Variants in PKD2 observed in about 807,000 individuals in gnomAD.
The protein encoded by PKD2 is polycystin-2.
A neutral mutation model predicts 105.9 loss-of-function variants in PKD2; 48 were observed. That is an observed-to-expected ratio of 0.45 (90% confidence interval 0.36 to 0.58). PKD2 has a LOEUF of 0.58. Ranked by LOEUF, PKD2 falls within the 20% of genes least tolerant of loss-of-function variation. The pLI, the probability that PKD2 is intolerant of heterozygous loss-of-function variation, is 0.00. For synonymous variants in PKD2, 464 were observed against 481.1 expected (o/e 0.96, Z 0.46); for missense variants, 1,078 against 1,255.3 (o/e 0.86, Z 2.13).
intron 1 of PKD2, among the ~76,000 whole-genome samples, chr4:88,012,636 TATGTAA>T (rs1445263449): frequency 1.3e-5 from 2 of 152,250 alleles, no homozygotes; most frequent in African/African-American, 4.8e-5. Flanking sequence ...TTTATTATAT[TATGTAA>T]ATGGACTTAA....
At chr4:88,012,372 C>T (rs188024718) in intron 1 of PKD2, among the ~76,000 whole-genome samples, 4 of 152,312 alleles carry the variant, frequency 2.6e-5, no homozygotes, top group Admixed American at 1.3e-4. Flanking sequence ...TTCTCATCCA[C>T]TGTGCTATAT....
rs1294147142 is a variant in PKD2 at position 88,061,601 on chromosome 4, A to G, written c.2020-305A>G. On this transcript the variant is annotated intron_variant, in intron 9 of 14. Transcript: ENST00000237596. ...AAAAATACAACAGTTAGCCAGGTGT[A>G]GTGGCACATGCCTGTAATCCCAGCT... is the stretch of plus-strand genomic sequence containing the variant. Among the ~76,000 whole-genome samples the G allele has an allele frequency of 3.3e-5, 5 of 152,220 alleles. No homozygotes were observed. In the East Asian group the frequency reaches 9.7e-4, roughly 29 times the overall value.
At chr4:88,065,553 G>A in intron 11 of PKD2, 58 bp downstream of exon 11, 1 of 1,561,794 alleles carries the variant, frequency 6.4e-7, no homozygotes, top group East Asian at 2.2e-5. Flanking sequence ...ATAAATTCCT[G>A]GTGATAAGAG....
chr4:88,039,604 G>A (rs1727478663), intron 4 of PKD2, among the ~76,000 whole-genome samples: 1 of 148,608 alleles, frequency 6.7e-6, no homozygotes, highest in South Asian at 2.1e-4. Context: ...GGTGGGGGTT[G>A]CAGTGAGCTG....
chr4:88,045,568 G>A (rs924964971), intron 5 of PKD2, among the ~76,000 whole-genome samples: 1 of 152,156 alleles, frequency 6.6e-6, no homozygotes, highest in Non-Finnish European at 1.5e-5. Context: ...TCAAAATGAA[G>A]CAGCTAGAGA....
chr4:88,040,264 T>C (rs1727508649), intron 4 of PKD2, among the ~76,000 whole-genome samples: 1 of 152,168 alleles, frequency 6.6e-6, no homozygotes, highest in Non-Finnish European at 1.5e-5. Flanking sequence ...TCCATATTAA[T>C]TGCGTCGTTA....
intron 1 of PKD2, among the ~76,000 whole-genome samples, chr4:88,010,333 T>TAGC (rs1237573754): frequency 6.6e-6 from 1 of 152,216 alleles, no homozygotes; most frequent in East Asian, 1.9e-4. Context: ...TAATTGATAT[T>TAGC]CTTGTCACTT....
chr4:88,066,966 A>G (rs754167268), intron 12 of PKD2, among the ~76,000 whole-genome samples: 1 of 152,210 alleles, frequency 6.6e-6, no homozygotes, highest in African/African-American at 2.4e-5. Flanking sequence ...AAATTTAAGC[A>G]TAAAGAAAAT....
chr4:88,075,410 G>A (rs376836672), intron 14 of PKD2, 48 bp from the exon 15 acceptor site: 1 of 1,326,294 alleles, frequency 7.5e-7, no homozygotes, highest in African/African-American at 1.4e-5. Flanking sequence ...ACTTCCTAAG[G>A]CATTTCCTTC....
chr4:88,022,717 A>G (rs976118319), intron 2 of PKD2, among the ~76,000 whole-genome samples: 2 of 152,202 alleles, frequency 1.3e-5, no homozygotes, highest in East Asian at 1.9e-4. Context: ...GAGATAGTGT[A>G]CTTACCCCTA....
chr4:88,031,713 T>C (rs917748587), intron 2 of PKD2, among the ~76,000 whole-genome samples: 1 of 152,226 alleles, frequency 6.6e-6, no homozygotes, highest in Non-Finnish European at 1.5e-5. Context: ...GTCTACTTTC[T>C]CTGTCAAAGA....
chr4:88,026,271 A>C (rs1051074608), intron 2 of PKD2, among the ~76,000 whole-genome samples: 1 of 152,186 alleles, frequency 6.6e-6, no homozygotes. Flanking sequence ...GGTGGAGATG[A>C]GGAACTTATT....
At chr4:88,051,198 C>A (rs532552297) in intron 6 of PKD2, among the ~76,000 whole-genome samples, 9 of 151,894 alleles carry the variant, frequency 5.9e-5, no homozygotes, top group Admixed American at 5.2e-4. Flanking sequence ...CAGAAATGAG[C>A]AAGAGAGAAG....
chr4:88,061,535 C>T (rs1156902593), intron 9 of PKD2, among the ~76,000 whole-genome samples: 3 of 151,998 alleles, frequency 2.0e-5, no homozygotes, highest in Non-Finnish European at 4.4e-5. Context: ...GCCAGGAGTT[C>T]GAGACCAGCC....
At chr4:88,021,355 G>C (rs1443363004) in intron 2 of PKD2, among the ~76,000 whole-genome samples, 1 of 152,210 alleles carries the variant, frequency 6.6e-6, no homozygotes, top group African/African-American at 2.4e-5. Flanking sequence ...AGAGAAGTAA[G>C]CTGAAGACAG....
At chr4:88,050,492 C>T (rs1021417274) in intron 6 of PKD2, among the ~76,000 whole-genome samples, 3 of 152,164 alleles carry the variant, frequency 2.0e-5, no homozygotes, top group African/African-American at 7.2e-5. Flanking sequence ...TCTCTTTCCT[C>T]ATCTTTCATT....
At chr4:88,065,925 AC>A in intron 12 of PKD2, 46 bp downstream of exon 12, 1 of 995,596 alleles carries the variant, frequency 1.0e-6, no homozygotes, top group Non-Finnish European at 1.6e-6. Context: ...TACCTACAAC[AC>A]CACAGATGTA....
chr4:88,047,677 A>G lies in PKD2; in HGVS notation c.1548+807A>G, dbSNP rs138705039. On this transcript the variant is annotated intron_variant, in intron 6 of 14. Coordinates refer to ENST00000237596, the MANE Select transcript of PKD2 (RefSeq NM_000297.4). ...CAGAGTACAAATGTAAGTTATATTC[A>G]TCAAAGTTTTCTGTATGAGGTATAA... Among the ~76,000 whole-genome samples, 44 of 152,314 alleles carry G rather than the reference A, an allele frequency of 2.9e-4. No individual in the cohort carries two copies. The East Asian group carries it at 5.4e-3, about 19-fold the overall frequency.
intron 2 of PKD2, among the ~76,000 whole-genome samples, chr4:88,022,479 C>T: frequency 6.6e-6 from 1 of 152,238 alleles, no homozygotes; most frequent in East Asian, 1.9e-4. Flanking sequence ...AAATGCCTGT[C>T]TGAGTAATTC....
Sources: allele counts gnomAD v4.1 joint callset (sites outside exome capture counted in the v4.1 genomes callset), GRCh38; gene constraint gnomAD v4.1.1; transcripts MANE v1.5; gene names NCBI Gene and HGNC (gene_info 2026-07-23, HGNC 2026-07-21).